Variants in PKHD1 observed in about 807,000 individuals in gnomAD.
PKHD1 encodes the protein fibrocystin.
A neutral mutation model predicts 412.0 loss-of-function variants in PKHD1; 291 were observed. The observed-to-expected ratio is 0.71, with a 90% CI of 0.64 to 0.78. PKHD1 has a LOEUF of 0.78. PKHD1 is among the 30% of genes least tolerant of loss of function. PKHD1 has a pLI of 0.00. For missense variants in PKHD1, 4,825 were observed against 4,950.7 expected (o/e 0.97, Z 0.76); for synonymous variants, 1,777 against 1,821.5 (o/e 0.98, Z 0.62).
Position 51,943,608 on chromosome 6 carries a change from A to G in PKHD1, c.5909-9286T>C, listed in dbSNP as rs565645828. Among the ~76,000 whole-genome samples, 6 of 151,772 alleles carry G rather than the reference A, an allele frequency of 4.0e-5. No individual in the cohort carries two copies. In the East Asian group the frequency reaches 1.2e-3, roughly 29 times the overall value. ...ATAAATAATCTTTGCTGGCAGGGCT[A>G]TGCTGAACCTCCTTAAGCACTCTCT... is the stretch of plus-strand genomic sequence containing the variant. On this transcript the variant is annotated intron_variant, in intron 36 of 66. Coordinates refer to ENST00000371117, the MANE Select transcript of PKHD1 (RefSeq NM_138694.4).
intron 53 of PKHD1, among the ~76,000 whole-genome samples, chr6:51,787,907 T>C (rs1448466795): frequency 6.6e-6 from 1 of 152,170 alleles, no homozygotes; most frequent in African/African-American, 2.4e-5. Flanking sequence ...ATAAGTTTTG[T>C]AGTAACAAGA....
chr6:51,733,927 G>A (rs1165004372), intron 60 of PKHD1, among the ~76,000 whole-genome samples: 1 of 152,128 alleles, frequency 6.6e-6, no homozygotes, highest in Non-Finnish European at 1.5e-5. Context: ...AAAGGTAAAG[G>A]GCACGTATGC....
chr6:51,984,810 C>G (rs1187575147), intron 35 of PKHD1, among the ~76,000 whole-genome samples: 1 of 152,136 alleles, frequency 6.6e-6, no homozygotes, highest in Non-Finnish European at 1.5e-5. Context: ...TCAGAATCTG[C>G]GAACTAGAAA....
chr6:51,889,967 C>T (rs1327147771), intron 43 of PKHD1, among the ~76,000 whole-genome samples: 1 of 151,838 alleles, frequency 6.6e-6, no homozygotes, highest in Non-Finnish European at 1.5e-5. Flanking sequence ...TGCTGCCCAG[C>T]TCAGTGCAAG....
intron 49 of PKHD1, among the ~76,000 whole-genome samples, chr6:51,853,616 CA>C (rs560259451): frequency 8.9e-4 from 136 of 152,260 alleles, no homozygotes; most frequent in Non-Finnish European, 1.7e-3. Context: ...AGACCTTGTT[CA>C]TTCCTTTACA....
intron 37 of PKHD1, among the ~76,000 whole-genome samples, chr6:51,922,683 C>A (rs771729695): frequency 6.6e-6 from 1 of 152,200 alleles, no homozygotes. Context: ...TGCCTCCTTG[C>A]GTTTGATCTC....
rs749529299 is a variant in PKHD1, at chr6:52,059,952, A to G, written c.1209T>C (p.Ser403=). 39 of 1,589,194 alleles carry G rather than the reference A, an allele frequency of 2.5e-5. 1 individual carries two copies. The highest frequency in any genetic ancestry group is 1.2e-4 in the South Asian group (11 of 90,582). The change falls in exon 15 of 67, where the codon AGT becomes AGC. Residue 403 remains serine (S), a synonymous_variant. Transcript: ENST00000371117. The part of the protein sequence containing the change: ...QADSQASLHF[S]WSEEPRTKVK... ...CCTTAGTCCTTGGTTCCTCTGACCA[A>G]CTGAAATGCAAGGAAGCTTGGCTAT...
chr6:52,046,033 G>C lies in PKHD1; in HGVS notation c.2563C>G (p.Gln855Glu). The change falls in exon 24 of 67, where the codon CAG (glutamine) becomes GAG (glutamate). Residue 855 changes from glutamine (Q) to glutamate (E), a missense_variant. Gln to Glu is a conservative substitution (Grantham distance 29, BLOSUM62 2). Coordinates refer to ENST00000371117, the MANE Select transcript of PKHD1 (RefSeq NM_138694.4). ...EHVWTLSWST[Q>E]IGDLPNFIRV... ...ATAAAATTGGGCAAATCCCCAATCTGAGTGGACCAGGACAAGGTCCACACG... is the reference window on the plus strand; with the variant it reads ...ATAAAATTGGGCAAATCCCCAATCTCAGTGGACCAGGACAAGGTCCACACG... 4 of 1,613,328 alleles carry C rather than the reference G, an allele frequency of 2.5e-6. No homozygotes were observed. Among genetic ancestry groups the C allele is most frequent in the Non-Finnish European group, 3.4e-6 (4 of 1,179,610 alleles).
chr6:51,832,444 G>C (rs911192991), intron 51 of PKHD1, among the ~76,000 whole-genome samples: 1 of 152,062 alleles, frequency 6.6e-6, no homozygotes. Flanking sequence ...AGCTAGAAGA[G>C]AGGTAAGTGA....
At position 51,753,216 on chromosome 6, in the gene PKHD1, G is replaced by C; in HGVS notation, c.8935C>G (p.Arg2979Gly). 1 of 1,613,494 alleles carries C rather than the reference G, an allele frequency of 6.2e-7. No homozygotes were observed. Among genetic ancestry groups the C allele is most frequent in the Non-Finnish European group, 8.5e-7 (1 of 1,179,674 alleles). Residue 2979 changes from arginine (R) to glycine (G), a missense_variant, in exon 57 of 67, where the codon CGA (arginine) becomes GGA (glycine). Physicochemically the swap from Arg to Gly is moderately radical, Grantham distance 125. Coordinates refer to ENST00000371117, the MANE Select transcript of PKHD1 (RefSeq NM_138694.4). ...TTTCATTTACCTGAAAATTCTTCTC[G>C]GCTGGACTTCCTGAAGGACCCCACA... Reference protein sequence around the residue: ...LFVGSFRKSSREEFSGVLQLL... With the variant: ...LFVGSFRKSSGEEFSGVLQLL...
intron 11 of PKHD1, among the ~76,000 whole-genome samples, chr6:52,067,076 A>C (rs756004107): frequency 6.6e-6 from 1 of 152,170 alleles, no homozygotes; most frequent in South Asian, 2.1e-4. Context: ...CTGAAGGTAC[A>C]AAAGCTAATG....
chr6:51,967,936 C>T (rs956721398), intron 35 of PKHD1, among the ~76,000 whole-genome samples: 3 of 152,166 alleles, frequency 2.0e-5, no homozygotes, highest in African/African-American at 2.4e-5. Context: ...CACTTAATTT[C>T]GGTGATTGAA....
chr6:51,770,462 C>T (rs1408347237), intron 55 of PKHD1, among the ~76,000 whole-genome samples: 1 of 139,728 alleles, frequency 7.2e-6, no homozygotes, highest in African/African-American at 2.4e-5. Flanking sequence ...TTAAGTTTTC[C>T]TCTGGTAAAA....
Position 51,618,513 on chromosome 6 carries a change from TTAAACCA to T in PKHD1, c.*561_*567del. On this transcript the variant is annotated 3_prime_UTR_variant, in exon 67 of 67. Coordinates refer to ENST00000371117, the MANE Select transcript of PKHD1 (RefSeq NM_138694.4). ...TGTAGGTTCTCAATAATGATTGAAT[TTAAACCA>T]TGAAATAAAATCCACTTGTAAAAAG... 1 of 169,834 alleles carries T rather than the reference TTAAACCA, an allele frequency of 5.9e-6. No homozygotes were observed. Among genetic ancestry groups the T allele is most frequent in the Non-Finnish European group, 1.3e-5 (1 of 77,296 alleles). The allele number at this position is 169,834 out of a possible 1,614,324, so 10.5% of individuals were successfully genotyped here.
intron 11 of PKHD1, among the ~76,000 whole-genome samples, chr6:52,067,709 G>C (rs377723588): frequency 6.6e-6 from 1 of 152,186 alleles, no homozygotes; most frequent in Admixed American, 6.5e-5. Context: ...GCAAAAGATA[G>C]CCTGAGTGTG....
chr6:52,057,041 A>G lies in PKHD1; in HGVS notation c.1513-62T>C, dbSNP rs569356785. On this transcript the variant is annotated intron_variant, in intron 16 of 66. Coordinates refer to ENST00000371117, the MANE Select transcript of PKHD1 (RefSeq NM_138694.4). ...GCTAATTAAGCCAGAGAGACAATCT[A>G]AGAACACAGGACATTCCTCCTCAAC... 16 of 1,061,664 alleles carry G rather than the reference A, an allele frequency of 1.5e-5. No individual in the cohort carries two copies. In the Admixed American group the frequency reaches 2.8e-4, roughly 18 times the overall value. 65.8% of individuals were successfully genotyped at this position (1,061,664 alleles called of 1,614,324 possible).
At chr6:51,936,324 G>C (rs1402682175) in intron 36 of PKHD1, among the ~76,000 whole-genome samples, 2 of 152,136 alleles carry the variant, frequency 1.3e-5, no homozygotes, top group Non-Finnish European at 2.9e-5. Context: ...TGAGCAAAGG[G>C]GGGCAAAGGA....
At chr6:51,950,220 A>AAAAAAAAT in intron 36 of PKHD1, among the ~76,000 whole-genome samples, 69 of 98,302 alleles carry the variant, frequency 7.0e-4, no homozygotes, top group African/African-American at 2.3e-3. Flanking sequence ...GAAAAAAAAA[A>AAAAAAAAT]ATATATATAT....
At chr6:51,644,433 T>C (rs1331536426) in intron 63 of PKHD1, among the ~76,000 whole-genome samples, 1 of 152,208 alleles carries the variant, frequency 6.6e-6, no homozygotes, top group South Asian at 2.1e-4. Context: ...GATTGACTTA[T>C]GGCTATCCAT....
Sources: allele counts gnomAD v4.1 joint callset (sites outside exome capture counted in the v4.1 genomes callset), GRCh38; gene constraint gnomAD v4.1.1; transcripts MANE v1.5; gene names NCBI Gene and HGNC (gene_info 2026-07-23, HGNC 2026-07-21).